Variants in HEBP2 observed in about 807,000 individuals in gnomAD.
HEBP2 encodes the protein heme binding protein 2.
HEBP2 carries 27 observed loss-of-function variants against 23.1 expected under a neutral mutation model. That is an observed-to-expected ratio of 1.17 (90% CI 0.86 to 1.61). HEBP2 has a LOEUF of 1.61. Ranked by LOEUF, HEBP2 falls within the 40% of genes most tolerant of loss-of-function variation. The pLI is 0.00. For synonymous variants in HEBP2, 99 were observed against 95.1 expected, an observed-to-expected ratio of 1.04 and a Z score of -0.24; for missense variants, 245 against 253.8, an observed-to-expected ratio of 0.97 and a Z score of 0.24.
Position 138,413,019 on chromosome 6 carries a change from A to C in HEBP2, c.559A>C (p.Asn187His). 6.2e-7 allele frequency: 1 copy of C among 1,614,082 alleles called. No homozygotes were observed. Among genetic ancestry groups the C allele is most frequent in the Non-Finnish European group, 8.5e-7 (1 of 1,179,994 alleles). ...AGYNSPVKLL[N>H]RNNEVWLIQK... ...CTACAACAGTCCTGTCAAATTGCTT[A>C]ATAGAAATAATGAAGTGTGGTTGAT... Residue 187 changes from asparagine to histidine, a missense_variant, in exon 4 of 4, where the codon AAT becomes CAT. Coordinates refer to ENST00000607197, the MANE Select transcript of HEBP2 (RefSeq NM_014320.3).
chr6:138,408,095 A>G (rs969927129), intron 3 of HEBP2, among the ~76,000 whole-genome samples: 1 of 152,216 alleles, frequency 6.6e-6, no homozygotes, highest in Non-Finnish European at 1.5e-5. Context: ...ATGCTGGAGA[A>G]TAGGTCCTGG....
rs1774882173 is a variant in HEBP2 at position 138,419,225 on chromosome 6, GCTCA to G, written c.*6150_*6153del. On this transcript the variant is annotated 3_prime_UTR_variant, in exon 4 of 4. Coordinates refer to ENST00000607197, the MANE Select transcript of HEBP2 (RefSeq NM_014320.3). ...ACTTACCAAGGCCAACTTAGACACT[GCTCA>G]CTGTGACTATCCAACCTGCCTGCAA... is the stretch of plus-strand genomic sequence containing the variant. 1 of 152,208 alleles carries G rather than the reference GCTCA, an allele frequency of 6.6e-6. No individual in the cohort carries two copies. The highest frequency in any genetic ancestry group is 6.5e-5 in the Admixed American group (1 of 15,276). The allele number at this position is 152,208 out of a possible 1,614,324, so 9.4% of individuals were successfully genotyped here. A position where few individuals can be genotyped will look rare whatever the true frequency, so the allele number is the denominator to read the frequency against.
Position 138,415,365 on chromosome 6 carries a change from A to G in HEBP2, c.*2287A>G, listed in dbSNP as rs1289278565. 1.3e-5 allele frequency: 2 copies of G among 152,168 alleles called. No homozygotes were observed. The highest frequency in any genetic ancestry group is 4.8e-5 in the African/African-American group (2 of 41,436). 9.4% of individuals were successfully genotyped at this position (152,168 alleles called of 1,614,324 possible). A position where few individuals can be genotyped will look rare whatever the true frequency, so the allele number is the denominator to read the frequency against. ...CATCCCTGGTGGATAGGTGGCACAG[A>G]CAGTCCCTGGCACAAGAAGGCTGTC... On this transcript the variant is annotated 3_prime_UTR_variant, in exon 4 of 4. Coordinates refer to ENST00000607197, the MANE Select transcript of HEBP2 (RefSeq NM_014320.3).
chr6:138,405,865 T>C (rs1774635313), intron 2 of HEBP2, 106 bp from the exon 3 acceptor site: 1 of 912,608 alleles, frequency 1.1e-6, no homozygotes, highest in East Asian at 2.6e-5. Context: ...AAGGTAAATA[T>C]GTCAACAATG....
chr6:138,405,349 C>G, intron 2 of HEBP2, 69 bp downstream of exon 2: 2 of 1,564,358 alleles, frequency 1.3e-6, no homozygotes, highest in Admixed American at 3.8e-5. Flanking sequence ...TGAGTTTTAG[C>G]TTATTAAAGA....
Position 138,404,517 on chromosome 6 carries a change from G to C in HEBP2, c.22G>C (p.Asp8His), listed in dbSNP as rs1774600360. ...GCCCATGGCCGAGCCGCTCCAGCCA[G>C]ACCCCGGGGCGGCCGAGGACGCGGC... MAEPLQP[D>H]PGAAEDAAAQ... is the part of the protein sequence containing the mutation. Residue 8 changes from aspartate (D) to histidine (H), a missense_variant, in exon 1 of 4, where the codon GAC (aspartate) becomes CAC (histidine). Coordinates refer to ENST00000607197, the MANE Select transcript of HEBP2 (RefSeq NM_014320.3). 1 of 1,315,292 alleles carries C rather than the reference G, an allele frequency of 7.6e-7. No individual in the cohort carries two copies. The highest frequency in any genetic ancestry group is 9.7e-7 in the Non-Finnish European group (1 of 1,031,850). 81.5% of individuals were successfully genotyped at this position (1,315,292 alleles called of 1,614,324 possible). A position where few individuals can be genotyped will look rare whatever the true frequency, so the allele number is the denominator to read the frequency against.
rs1774953108 is a variant in HEBP2 at position 138,422,038 on chromosome 6, A to T, written c.*8960A>T. On this transcript the variant is annotated 3_prime_UTR_variant, in exon 4 of 4. Transcript: ENST00000607197. ...ATGTATAAACAAAAAGAAATATTTC[A>T]AATATTTACTTTACAATTGTTTTAT... is the stretch of plus-strand genomic sequence containing the variant. The T allele has an allele frequency of 6.6e-6, 1 of 152,152 alleles. No homozygotes were observed. Among genetic ancestry groups the T allele is most frequent in the African/African-American group, 2.4e-5 (1 of 41,384 alleles). The allele number at this position is 152,152 out of a possible 1,614,324, so 9.4% of individuals were successfully genotyped here.
In HEBP2 at chr6:138,413,020, A is replaced by C. The variant is rs781139658; in HGVS notation, c.560A>C (p.Asn187Thr). Residue 187 changes from asparagine to threonine, a missense_variant, in exon 4 of 4, where the codon AAT becomes ACT. Asn to Thr is a moderately conservative substitution (Grantham distance 65). Coordinates refer to ENST00000607197, the MANE Select transcript of HEBP2 (RefSeq NM_014320.3). ...TACAACAGTCCTGTCAAATTGCTTAATAGAAATAATGAAGTGTGGTTGATT... is the reference window on the plus strand; with the variant it reads ...TACAACAGTCCTGTCAAATTGCTTACTAGAAATAATGAAGTGTGGTTGATT... ...AGYNSPVKLL[N>T]RNNEVWLIQK... 2 of 1,614,094 alleles carry C rather than the reference A, an allele frequency of 1.2e-6. No homozygotes were observed. Among genetic ancestry groups the C allele is most frequent in the Middle Eastern group, 1.6e-4 (1 of 6,062 alleles).
chr6:138,409,706 T>A (rs1562240237), intron 3 of HEBP2, among the ~76,000 whole-genome samples: 1 of 150,818 alleles, frequency 6.6e-6, no homozygotes, highest in Non-Finnish European at 1.5e-5. Context: ...TCCTCTTGCC[T>A]CCCCAGGGAA....
At position 138,420,284 on chromosome 6, in the gene HEBP2, AT is replaced by A. The variant is rs1475825716; in HGVS notation, c.*7209del. On this transcript the variant is annotated 3_prime_UTR_variant, in exon 4 of 4. Transcript: ENST00000607197. ...GAGGACCAGTTGTGGTTCCAAAACCATTTGCAGGAAGGTGCTATAGTTGGTC... is the reference window on the plus strand; with the variant it reads ...GAGGACCAGTTGTGGTTCCAAAACCATTGCAGGAAGGTGCTATAGTTGGTC... 4 of 152,120 alleles carry A rather than the reference AT, an allele frequency of 2.6e-5. No individual in the cohort carries two copies. Among genetic ancestry groups the A allele is most frequent in the African/African-American group, 9.7e-5 (4 of 41,412 alleles). 9.4% of individuals were successfully genotyped at this position (152,120 alleles called of 1,614,324 possible).
chr6:138,412,878 A>G lies in HEBP2; in HGVS notation c.420-2A>G. ...CACGGTTATTTCCTTTCTCCTTTGT[A>G]GGTCTTTCGATGGATTTTCTAGTGC... is the stretch of plus-strand genomic sequence containing the variant. On this transcript the variant is annotated splice_acceptor_variant, in intron 3 of 3. Coordinates refer to ENST00000607197, the MANE Select transcript of HEBP2 (RefSeq NM_014320.3). LOFTEE classifies it high-confidence loss of function. 2 of 1,610,512 alleles carry G rather than the reference A, an allele frequency of 1.2e-6. No individual in the cohort carries two copies. The highest frequency in any genetic ancestry group is 1.7e-6 in the Non-Finnish European group (2 of 1,176,968).
intron 3 of HEBP2, among the ~76,000 whole-genome samples, chr6:138,411,229 A>G (rs555837320): frequency 9.2e-5 from 14 of 152,310 alleles, no homozygotes; most frequent in Non-Finnish European, 2.1e-4. Context: ...TATACTGTAG[A>G]ATGTATACTT....
chr6:138,403,681 C>T (rs909817625), upstream of HEBP2: 3 of 418,932 alleles, frequency 7.2e-6, no homozygotes, highest in Non-Finnish European at 8.5e-6. Context: ...GCACCCCACT[C>T]GGCTCGGGAA....
At position 138,416,277 on chromosome 6, in the gene HEBP2, C is replaced by G. The variant is rs1774840862; in HGVS notation, c.*3199C>G. 1 of 152,266 alleles carries G rather than the reference C, an allele frequency of 6.6e-6. No homozygotes were observed. Among genetic ancestry groups the G allele is most frequent in the Non-Finnish European group, 1.5e-5 (1 of 68,110 alleles). The allele number at this position is 152,266 out of a possible 1,614,324, so 9.4% of individuals were successfully genotyped here. On this transcript the variant is annotated 3_prime_UTR_variant, in exon 4 of 4. Transcript: ENST00000607197. ...ATACAGACTCACTGCTCTAGGGCAG[C>G]TTGGTAGAAGCCTAGAAAGAGTGAT...
At chr6:138,405,830 C>G in intron 2 of HEBP2, 141 bp from the exon 3 acceptor site, 3 of 709,318 alleles carry the variant, frequency 4.2e-6, no homozygotes, top group Non-Finnish European at 6.8e-6. Flanking sequence ...TTTGGCCTTA[C>G]TGTTTTAAGA....
rs1774927825 is a variant in HEBP2 at position 138,421,442 on chromosome 6, T to A, written c.*8364T>A. On this transcript the variant is annotated 3_prime_UTR_variant, in exon 4 of 4. Coordinates refer to ENST00000607197, the MANE Select transcript of HEBP2 (RefSeq NM_014320.3). ...TCAAGATTCTTCAGAAATAGTAGGA[T>A]GGCAGAAAGCAGATCGCATTGAGGT... is the stretch of plus-strand genomic sequence containing the variant. 1 of 152,222 alleles carries A rather than the reference T, an allele frequency of 6.6e-6. No homozygotes were observed. The highest frequency in any genetic ancestry group is 1.9e-4 in the East Asian group (1 of 5,202). 9.4% of individuals were successfully genotyped at this position (152,222 alleles called of 1,614,324 possible).
In HEBP2 at chr6:138,413,110, C is replaced by CA; in HGVS notation, c.*36dup. On this transcript the variant is annotated 3_prime_UTR_variant, in exon 4 of 4. Transcript: ENST00000607197. The stretch of plus-strand genomic sequence containing the variant: ...TGAAAGGAAGTTCTGCTGTCAGAGG[C>CA]AAAACATCTGTTTATCATAGACATC... 1 of 1,539,848 alleles carries CA rather than the reference C, an allele frequency of 6.5e-7. No homozygotes were observed. Among genetic ancestry groups the CA allele is most frequent in the East Asian group, 2.2e-5 (1 of 44,484 alleles).
At position 138,405,029 on chromosome 6, in the gene HEBP2, T is replaced by G. The variant is rs908785338; in HGVS notation, c.103-116T>G. The G allele has an allele frequency of 5.0e-5, 56 of 1,130,560 alleles. No homozygotes were observed. The Middle Eastern group carries it at 8.4e-4, about 17-fold the overall frequency. The allele number at this position is 1,130,560 out of a possible 1,614,324, so 70.0% of individuals were successfully genotyped here. A position where few individuals can be genotyped will look rare whatever the true frequency, so the allele number is the denominator to read the frequency against. ...GACCTCAGGCCGGACCCCGGGGCGG[T>G]GCAGCCCCTAGACAGGACGGCTCCA... On this transcript the variant is annotated intron_variant, in intron 1 of 3. Coordinates refer to ENST00000607197, the MANE Select transcript of HEBP2 (RefSeq NM_014320.3).
Position 138,415,803 on chromosome 6 carries a change from A to G in HEBP2, c.*2725A>G. 1 of 152,154 alleles carries G rather than the reference A, an allele frequency of 6.6e-6. No homozygotes were observed. The highest frequency in any genetic ancestry group is 1.9e-4 in the East Asian group (1 of 5,182). The allele number at this position is 152,154 out of a possible 1,614,324, so 9.4% of individuals were successfully genotyped here. On this transcript the variant is annotated 3_prime_UTR_variant, in exon 4 of 4. Coordinates refer to ENST00000607197, the MANE Select transcript of HEBP2 (RefSeq NM_014320.3). Reference sequence around the variant, plus strand: ...GAGCATTTAGTGGATCTCCCCAACCATCTGCCTCCCTAGAAAACTCCCTGA... The same window carrying G: ...GAGCATTTAGTGGATCTCCCCAACCGTCTGCCTCCCTAGAAAACTCCCTGA...
Sources: gnomAD v4.1 joint callset for allele counts (sites outside exome capture counted in the v4.1 genomes callset) on GRCh38, gnomAD v4.1.1 for gene constraint, MANE v1.5 for transcripts, NCBI Gene and HGNC (gene_info 2026-07-23, HGNC 2026-07-21) for gene names.